Variants in CERS6 observed in about 807,000 individuals in gnomAD.
The protein encoded by CERS6 is LAG1 homolog, ceramide synthase 6.
A neutral mutation model predicts 56.8 loss-of-function variants in CERS6; 26 were observed. The ratio of observed to expected loss-of-function variants is 0.46; its 90% CI spans 0.34 to 0.63. CERS6 has a LOEUF of 0.63. CERS6 is among the 30% of genes least tolerant of loss of function. The probability of loss-of-function intolerance (pLI) is 0.01; values close to 1 mark genes in which losing one functional copy is unlikely to be tolerated. For missense variants in CERS6, 415 were observed against 467.5 expected, an observed-to-expected ratio of 0.89 and a Z score of 1.04; for synonymous variants, 164 against 173.3, an observed-to-expected ratio of 0.95 and a Z score of 0.42.
chr2:168,656,765 C>A (rs550163841), intron 4 of CERS6, among the ~76,000 whole-genome samples: 64 of 151,918 alleles, frequency 4.2e-4, no homozygotes, highest in Middle Eastern at 6.8e-3. Context: ...ACTGCTGGCT[C>A]GGGCAGCCTG....
At chr2:168,728,075 A>G (rs1378677587) in intron 8 of CERS6, among the ~76,000 whole-genome samples, 12 of 152,194 alleles carry the variant, frequency 7.9e-5, no homozygotes, top group Admixed American at 5.2e-4. Context: ...AAAGCAGCCC[A>G]CTGTCTGTTT....
intron 3 of CERS6, among the ~76,000 whole-genome samples, chr2:168,615,510 C>T (rs1300348554): frequency 6.7e-6 from 1 of 150,030 alleles, no homozygotes; most frequent in East Asian, 2.2e-4. Context: ...GTGAAATAGA[C>T]AGCATAAATA....
intron 3 of CERS6, among the ~76,000 whole-genome samples, chr2:168,592,423 G>A (rs1683694030): frequency 6.6e-6 from 1 of 152,104 alleles, no homozygotes. Context: ...GGAGGGCTCT[G>A]GAAGCCAGCA....
rs113942798 is a variant in CERS6, at chr2:168,661,937, A to G, written c.466-29097A>G. 3.1e-3 allele frequency among the ~76,000 whole-genome samples: 474 copies of G among 152,348 alleles called. 2 individuals are homozygous for G. The highest frequency in any genetic ancestry group is 5.0e-3 in the African/African-American group (207 of 41,580). On this transcript the variant is annotated intron_variant, in intron 4 of 9. Transcript: ENST00000305747. Reference sequence around the variant, plus strand: ...AGAGTCAAAGGATAATTTTTAGACAATTTATACCAAAAGATTTATGAAAGT... The same window carrying G: ...AGAGTCAAAGGATAATTTTTAGACAGTTTATACCAAAAGATTTATGAAAGT...
chr2:168,493,516 C>A (rs1694410814), intron 1 of CERS6, among the ~76,000 whole-genome samples: 1 of 152,200 alleles, frequency 6.6e-6, no homozygotes, highest in Non-Finnish European at 1.5e-5. Flanking sequence ...CAGAGCTAAG[C>A]ACTGGGAATC....
At chr2:168,490,688 T>G (rs1272706417) in intron 1 of CERS6, among the ~76,000 whole-genome samples, 1 of 152,136 alleles carries the variant, frequency 6.6e-6, no homozygotes, top group Non-Finnish European at 1.5e-5. Flanking sequence ...CACTCAGCTC[T>G]TTTTGTGGCC....
chr2:168,735,073 A>C (rs139405443), intron 8 of CERS6, among the ~76,000 whole-genome samples: 109 of 152,322 alleles, frequency 7.2e-4, no homozygotes, highest in African/African-American at 2.5e-3. Flanking sequence ...AAACACATAC[A>C]TTATTCTCAA....
At chr2:168,645,156 G>C (rs868745260) in intron 4 of CERS6, among the ~76,000 whole-genome samples, 26 of 98,508 alleles carry the variant, frequency 2.6e-4, no homozygotes, top group African/African-American at 1.1e-3. Context: ...GAGAGAGAGA[G>C]AGAGAGAGAG....
chr2:168,700,599 A>T (rs1686783071), intron 6 of CERS6, among the ~76,000 whole-genome samples: 1 of 152,184 alleles, frequency 6.6e-6, no homozygotes, highest in Non-Finnish European at 1.5e-5. Flanking sequence ...ATTTTGTCCT[A>T]GACTGGGGAA....
intron 1 of CERS6, among the ~76,000 whole-genome samples, chr2:168,457,595 C>T (rs545382146): frequency 6.6e-6 from 1 of 152,306 alleles, no homozygotes; most frequent in South Asian, 2.1e-4. Flanking sequence ...CCCTCCCCTT[C>T]CTCTGCCCAA....
chr2:168,495,126 T>C (rs1406490749), intron 1 of CERS6, among the ~76,000 whole-genome samples: 1 of 152,174 alleles, frequency 6.6e-6, no homozygotes, highest in African/African-American at 2.4e-5. Context: ...ATTGTCCTCA[T>C]TGGGAACATA....
chr2:168,725,214 G>A (rs1006229433), intron 8 of CERS6, among the ~76,000 whole-genome samples: 1 of 152,244 alleles, frequency 6.6e-6, no homozygotes, highest in Non-Finnish European at 1.5e-5. Context: ...CCAAGCCCAC[G>A]CCCACCCGGA....
chr2:168,720,236 AC>A (rs1687328481), intron 8 of CERS6, among the ~76,000 whole-genome samples: 1 of 152,022 alleles, frequency 6.6e-6, no homozygotes, highest in Admixed American at 6.5e-5. Context: ...GGCCCAAAAT[AC>A]TATTTTAACG....
At chr2:168,666,063 C>T (rs1685753330) in intron 4 of CERS6, among the ~76,000 whole-genome samples, 1 of 151,830 alleles carries the variant, frequency 6.6e-6, no homozygotes, top group Non-Finnish European at 1.5e-5. Flanking sequence ...CTGCCATCAT[C>T]ACCCCCTGAC....
intron 3 of CERS6, among the ~76,000 whole-genome samples, chr2:168,583,276 C>T (rs1022570365): frequency 3.9e-5 from 6 of 151,988 alleles, no homozygotes; most frequent in Admixed American, 2.6e-4. Flanking sequence ...TGTTGATTGA[C>T]GGGCATGTCC....
At chr2:168,637,964 G>T (rs1428654846) in intron 4 of CERS6, among the ~76,000 whole-genome samples, 2 of 151,800 alleles carry the variant, frequency 1.3e-5, no homozygotes, top group Non-Finnish European at 2.9e-5. Flanking sequence ...GTATACCTAG[G>T]TCATAAAAGA....
At position 168,746,808 on chromosome 2, in the gene CERS6, TATATATATATATAA is replaced by T. The variant is rs1399064365; in HGVS notation, c.846-18782_846-18769del. 3.4e-3 allele frequency among the ~76,000 whole-genome samples: 375 copies of T among 110,672 alleles called. 6 individuals are homozygous for T. Among genetic ancestry groups the T allele is most frequent in the African/African-American group, 0.01 (271 of 26,580 alleles). 72.6% of individuals were successfully genotyped at this position (110,672 alleles called of 152,430 possible). ...ATATATATATATATATATATATATA[TATATATATATATAA>T]AATCATCTTTGAAAAAATGATTATA... On this transcript the variant is annotated intron_variant, in intron 8 of 9. Transcript: ENST00000305747.
At chr2:168,579,973 C>T (rs538226798) in intron 3 of CERS6, among the ~76,000 whole-genome samples, 4 of 152,306 alleles carry the variant, frequency 2.6e-5, no homozygotes, top group South Asian at 2.1e-4. Context: ...ATAATCACAA[C>T]GCCACTTTTC....
chr2:168,728,446 A>ACCAAGC (rs1683415395), intron 8 of CERS6, among the ~76,000 whole-genome samples: 1 of 142,306 alleles, frequency 7.0e-6, no homozygotes, highest in Non-Finnish European at 1.5e-5. Flanking sequence ...CTGGAGTGCA[A>ACCAAGC]TGGCGCGATC....
Sources: gnomAD v4.1 joint callset for allele counts (sites outside exome capture counted in the v4.1 genomes callset) on GRCh38, gnomAD v4.1.1 for gene constraint, MANE v1.5 for transcripts, NCBI Gene and HGNC (gene_info 2026-07-23, HGNC 2026-07-21) for gene names.